CCSER1: variants seen among roughly 807,000 people sequenced by gnomAD.
CCSER1 encodes the protein coiled-coil serine rich protein 1.
In CCSER1, 41 loss-of-function variants were observed where a neutral mutation model predicts 82.0. That is an observed-to-expected ratio of 0.50 (90% CI 0.39 to 0.65). CCSER1 has a LOEUF of 0.65. Among genes scored for constraint, CCSER1 ranks in the 30% least tolerant of loss-of-function variants. The pLI, the probability that CCSER1 is intolerant of heterozygous loss-of-function variation, is 0.00. For synonymous variants in CCSER1, 414 were observed against 383.9 expected, an observed-to-expected ratio of 1.08 and a Z score of -0.92; for missense variants, 1,119 against 1,064.2, an observed-to-expected ratio of 1.05 and a Z score of -0.72.
chr4:90,263,747 A>T (rs901997093), intron 1 of CCSER1, among the ~76,000 whole-genome samples: 2 of 152,088 alleles, frequency 1.3e-5, no homozygotes, highest in African/African-American at 2.4e-5. Context: ...TTCTCAGGTG[A>T]TGGGTGGAGC....
chr4:91,339,469 A>G (rs1747551703), intron 10 of CCSER1, among the ~76,000 whole-genome samples: 2 of 152,086 alleles, frequency 1.3e-5, no homozygotes, highest in African/African-American at 4.8e-5. Context: ...GGGCTGACTT[A>G]AGGCTGTTGG....
At chr4:90,911,446 A>G (rs1698849762) in intron 8 of CCSER1, 1 of 381,118 alleles carries the variant, frequency 2.6e-6, no homozygotes, top group Non-Finnish European at 5.3e-6. Context: ...AGCAATCCCT[A>G]TGATTCTCTC....
chr4:91,115,986 C>G (rs1274167735), intron 10 of CCSER1, among the ~76,000 whole-genome samples: 2 of 151,640 alleles, frequency 1.3e-5, no homozygotes, highest in Non-Finnish European at 2.9e-5. Flanking sequence ...GGTATATCTC[C>G]TAATGCTATC....
At chr4:91,399,353 T>TATC (rs1441333544) in intron 10 of CCSER1, among the ~76,000 whole-genome samples, 1 of 151,952 alleles carries the variant, frequency 6.6e-6, no homozygotes, top group Non-Finnish European at 1.5e-5. Flanking sequence ...CAAAGAAGTT[T>TATC]ATCTGTTTTA....
At chr4:91,109,088 T>C (rs1725875114) in intron 10 of CCSER1, among the ~76,000 whole-genome samples, 1 of 152,126 alleles carries the variant, frequency 6.6e-6, no homozygotes, top group African/African-American at 2.4e-5. Context: ...CTCTGACTTG[T>C]AGCAACACCC....
intron 3 of CCSER1, among the ~76,000 whole-genome samples, chr4:90,388,544 A>G (rs960396169): frequency 6.6e-6 from 1 of 152,162 alleles, no homozygotes; most frequent in African/African-American, 2.4e-5. Flanking sequence ...TCCTGACCTC[A>G]GGAGATCCGC....
rs555735843 is a variant in CCSER1, at chr4:90,682,399, GC to G, written c.1933-41513del. On this transcript the variant is annotated intron_variant, in intron 6 of 10. Coordinates refer to ENST00000509176, the MANE Select transcript of CCSER1 (RefSeq NM_001145065.2). Reference sequence around the variant, plus strand: ...TTTTTACCAGATATAGTATATCATGGCCTGGTGAATGCTTTCCTTTTCCCCA... The same window carrying G: ...TTTTTACCAGATATAGTATATCATGGCTGGTGAATGCTTTCCTTTTCCCCA... Among the ~76,000 whole-genome samples the G allele has an allele frequency of 6.1e-4, 93 of 151,866 alleles. 1 individual carries two copies. Among genetic ancestry groups the G allele is most frequent in the African/African-American group, 2.0e-3 (85 of 41,476 alleles).
intron 10 of CCSER1, among the ~76,000 whole-genome samples, chr4:91,137,658 T>C (rs1728616506): frequency 6.7e-6 from 1 of 149,184 alleles, no homozygotes; most frequent in African/African-American, 2.5e-5. Context: ...TTTCTCCACA[T>C]CCTCTCCAGC....
At chr4:90,707,202 GCTTAT>G (rs1739517456) in intron 6 of CCSER1, among the ~76,000 whole-genome samples, 1 of 151,580 alleles carries the variant, frequency 6.6e-6, no homozygotes, top group African/African-American at 2.4e-5. Context: ...TAGACACATA[GCTTAT>G]CTTTGTCTCA....
intron 1 of CCSER1, among the ~76,000 whole-genome samples, chr4:90,136,263 G>A (rs192874470): frequency 1.8e-3 from 267 of 152,190 alleles, no homozygotes; most frequent in African/African-American, 5.5e-3. Context: ...TGAGGTGGGA[G>A]GATTGCATGA....
intron 6 of CCSER1, among the ~76,000 whole-genome samples, chr4:90,667,180 G>A (rs1731945815): frequency 6.6e-6 from 1 of 152,066 alleles, no homozygotes; most frequent in Non-Finnish European, 1.5e-5. Flanking sequence ...TGTGGCACAA[G>A]GGCTCATGGG....
chr4:91,579,474 A>G (rs1023276081), intron 10 of CCSER1, among the ~76,000 whole-genome samples: 4 of 151,836 alleles, frequency 2.6e-5, no homozygotes, highest in Non-Finnish European at 5.9e-5. Flanking sequence ...AACATTACCA[A>G]TAGCAAAATT....
intron 5 of CCSER1, among the ~76,000 whole-genome samples, chr4:90,491,104 C>G (rs1027176104): frequency 4.6e-5 from 7 of 151,940 alleles, no homozygotes; most frequent in African/African-American, 1.7e-4. Context: ...CTATAAATTA[C>G]CTTGGGCAGT....
chr4:90,475,065 C>T (rs1288338516), intron 5 of CCSER1, among the ~76,000 whole-genome samples: 1 of 152,086 alleles, frequency 6.6e-6, no homozygotes, highest in Non-Finnish European at 1.5e-5. Context: ...CACACACACA[C>T]ATAAATGCAC....
chr4:91,583,654 G>T (rs1421571136), intron 10 of CCSER1, among the ~76,000 whole-genome samples: 2 of 151,454 alleles, frequency 1.3e-5, no homozygotes, highest in Non-Finnish European at 3.0e-5. Context: ...TGGAGTTTTG[G>T]TTTTTCATGA....
chr4:91,004,389 CT>C (rs1738318754), intron 9 of CCSER1, among the ~76,000 whole-genome samples: 1 of 152,174 alleles, frequency 6.6e-6, no homozygotes, highest in Non-Finnish European at 1.5e-5. Context: ...CATTGCAACT[CT>C]GATGCTGAAC....
intron 5 of CCSER1, among the ~76,000 whole-genome samples, chr4:90,524,791 C>G (rs561452464): frequency 6.6e-6 from 1 of 152,128 alleles, no homozygotes; most frequent in Non-Finnish European, 1.5e-5. Flanking sequence ...TTACAAAAAT[C>G]AGACAAATGA....
chr4:91,187,989 T>C (rs190007695), intron 10 of CCSER1, among the ~76,000 whole-genome samples: 1 of 152,256 alleles, frequency 6.6e-6, no homozygotes, highest in East Asian at 1.9e-4. Context: ...ACCTTATGAT[T>C]TCCCAATGCA....
intron 10 of CCSER1, among the ~76,000 whole-genome samples, chr4:91,393,249 A>G (rs936916465): frequency 1.3e-5 from 2 of 152,106 alleles, no homozygotes; most frequent in Non-Finnish European, 2.9e-5. Context: ...AGATCTCTCT[A>G]GGATCTTAAG....
Sources: allele counts gnomAD v4.1 joint callset (sites outside exome capture counted in the v4.1 genomes callset), GRCh38; gene constraint gnomAD v4.1.1; transcripts MANE v1.5; gene names NCBI Gene and HGNC (gene_info 2026-07-23, HGNC 2026-07-21).